Variants in AHNAK2 observed in about 807,000 individuals in gnomAD.
AHNAK2 encodes AHNAK nucleoprotein 2.
Under a neutral mutation model 30.7 loss-of-function variants are expected in AHNAK2, and 18 were observed. The observed-to-expected ratio is 0.59, with a 90% confidence interval of 0.41 to 0.87. AHNAK2 has a LOEUF of 0.87. Ranked by LOEUF, AHNAK2 falls within the 40% of genes least tolerant of loss-of-function variation. The pLI, the probability that AHNAK2 is intolerant of heterozygous loss-of-function variation, is 0.00. For synonymous variants in AHNAK2, 3,590 were observed against 3,073.8 expected, an observed-to-expected ratio of 1.17 and a Z score of -5.56; for missense variants, 8,604 against 7,373.0, an observed-to-expected ratio of 1.17 and a Z score of -6.11.
chr14:104,943,097 G>A lies in AHNAK2; in HGVS notation c.12354C>T (p.Asp4118=), dbSNP rs1566899883. The A allele has an allele frequency of 6.2e-7, 1 of 1,613,000 alleles. No homozygotes were observed. The highest frequency in any genetic ancestry group is 2.2e-5 in the East Asian group (1 of 44,760). Residue 4118 remains aspartate (D), a synonymous_variant, in exon 7 of 7, where the codon GAC becomes GAT. Coordinates refer to ENST00000333244, the MANE Select transcript of AHNAK2 (RefSeq NM_138420.4). Reference sequence around the variant, plus strand: ...TCACATCCTTGTCGGCCAGGGACAGGTCCCCCTCCAGCTGCACACCATCCA... The same window carrying A: ...TCACATCCTTGTCGGCCAGGGACAGATCCCCCTCCAGCTGCACACCATCCA... The part of the protein sequence containing the change: ...AKLDGVQLEG[D]LSLADKDVTA...
chr14:104,944,458 C>T lies in AHNAK2; in HGVS notation c.10993G>A (p.Ala3665Thr), dbSNP rs1195144133. Reference protein sequence around the residue: ...KSMEASVDVSAPKVEADVSLP... With the variant: ...KSMEASVDVSTPKVEADVSLP... ...CTCACATCGGCTTCCACCTTGGGTG[C>T]AGACACATCCACCGAGGCCTCCATG... The change falls in exon 7 of 7, where the codon GCA (alanine) becomes ACA (threonine). Residue 3665 changes from alanine (A) to threonine (T), a missense_variant. Transcript: ENST00000333244. 1.9e-6 allele frequency: 3 copies of T among 1,613,044 alleles called. No individual in the cohort carries two copies. The highest frequency in any genetic ancestry group is 1.3e-5 in the African/African-American group (1 of 74,708).
At position 104,953,673 on chromosome 14, in the gene AHNAK2, G is replaced by T; in HGVS notation, c.1778C>A (p.Ser593Ter). ...PKFKIPSLGWSPSKHTKTGRE... is the reference protein window; with the variant it reads ...PKFKIPSLGW ...GCCTGTCTTTGTGTGCTTGCTTGGC[G>T]ACCATCCTAAGGAGGGTATCTTGAA... The change falls in exon 7 of 7, where the codon TCG becomes TAG. Residue 593 changes from serine (S) to a stop codon, truncating the protein, a stop_gained. Coordinates refer to ENST00000333244, the MANE Select transcript of AHNAK2 (RefSeq NM_138420.4). LOFTEE classifies it low-confidence loss of function (END_TRUNC). The T allele has an allele frequency of 6.2e-7, 1 of 1,613,712 alleles. No individual in the cohort carries two copies.
Position 104,941,579 on chromosome 14 carries a change from T to C in AHNAK2, c.13872A>G (p.Lys4624=). 6.2e-7 allele frequency: 1 copy of C among 1,613,248 alleles called. No homozygotes were observed. The highest frequency in any genetic ancestry group is 8.5e-7 in the Non-Finnish European group (1 of 1,179,874). Residue 4624 remains lysine, a synonymous_variant, in exon 7 of 7, where the codon AAA becomes AAG. Coordinates refer to ENST00000333244, the MANE Select transcript of AHNAK2 (RefSeq NM_138420.4). ...LSLAHEDVAG[K]DSKFQGPKLS... Reference sequence around the variant, plus strand: ...GTTTTGGTCCTTGAAACTTACTGTCTTTCCCAGCTACATCCTCGTGGGCCA... The same window carrying C: ...GTTTTGGTCCTTGAAACTTACTGTCCTTCCCAGCTACATCCTCGTGGGCCA...
rs1330734380 is a variant in AHNAK2, at chr14:104,955,592, C to G, written c.357G>C (p.Val119=). The part of the protein sequence containing the change: ...EATEVTLKTE[V]EAGASGYSVT... ...CACTGTAGCCACTGGCTCCTGCCTC[C>G]ACCTCTGTCTTCAGCGTCACCTCTG... Residue 119 remains valine, a synonymous_variant, in exon 5 of 7, where the codon GTG becomes GTC. Transcript: ENST00000333244. The G allele has an allele frequency of 1.9e-6, 3 of 1,613,572 alleles. No individual in the cohort carries two copies. Among genetic ancestry groups the G allele is most frequent in the Non-Finnish European group, 1.7e-6 (2 of 1,179,820 alleles).
rs763234780 is a variant in AHNAK2 at position 104,945,694 on chromosome 14, G to A, written c.9757C>T (p.Leu3253=). 4 of 1,600,844 alleles carry A rather than the reference G, an allele frequency of 2.5e-6. No individual in the cohort carries two copies. The highest frequency in any genetic ancestry group is 2.7e-5 in the African/African-American group (2 of 73,650). Residue 3253 remains leucine, a synonymous_variant, in exon 7 of 7, where the codon CTG becomes TTG. Coordinates refer to ENST00000333244, the MANE Select transcript of AHNAK2 (RefSeq NM_138420.4). ...GPQIDIKGPK[L]DLKGPKMDVT... is the part of the protein sequence containing the mutation. ...TCCATCTTCGGGCCTTTCAGGTCCA[G>A]CTTGGGGCCCTTGATGTCTATCTGG...
Position 104,947,961 on chromosome 14 carries a change from G to A in AHNAK2, c.7490C>T (p.Ala2497Val). Residue 2497 changes from alanine to valine, a missense_variant, in exon 7 of 7, where the codon GCC (alanine) becomes GTC (valine). Coordinates refer to ENST00000333244, the MANE Select transcript of AHNAK2 (RefSeq NM_138420.4). Reference sequence around the variant, plus strand: ...CGAGGCCTCGATGGACTTGCCTGGGGCAGACACCCCGAATGACGGCATCTT... The same window carrying A: ...CGAGGCCTCGATGGACTTGCCTGGGACAGACACCCCGAATGACGGCATCTT... ...KFKMPSFGVS[A>V]PGKSIEASVD... 6.2e-7 allele frequency: 1 copy of A among 1,612,898 alleles called. No individual in the cohort carries two copies. Among genetic ancestry groups the A allele is most frequent in the Non-Finnish European group, 8.5e-7 (1 of 1,179,654 alleles).
At position 104,952,862 on chromosome 14, in the gene AHNAK2, C is replaced by T. The variant is rs1457817296; in HGVS notation, c.2589G>A (p.Val863=). The change falls in exon 7 of 7, where the codon GTG becomes GTA. Residue 863 remains valine, a synonymous_variant. Transcript: ENST00000333244. ...TGGAGGAGAGGCTCACGTCGGCCTC[C>T]ACCTTCGGCGCAGACACATCCACCG... ...EDSVDVSAPK[V]EADVSLSSMQ... 3.7e-6 allele frequency: 6 copies of T among 1,612,740 alleles called. No individual in the cohort carries two copies. Among genetic ancestry groups the T allele is most frequent in the Non-Finnish European group, 5.1e-6 (6 of 1,179,610 alleles).
Position 104,941,238 on chromosome 14 carries a change from G to C in AHNAK2, c.14213C>G (p.Ser4738Cys). ...SIGLSTIPLSSSECSSFELQQ... is the reference protein window; with the variant it reads ...SIGLSTIPLSCSECSSFELQQ... ...TAATTCAAAACTTGAGCATTCTGAA[G>C]ATGATAAAGGAATCGTGGAAAGACC... The change falls in exon 7 of 7, where the codon TCT (serine) becomes TGT (cysteine). Residue 4738 changes from serine to cysteine, a missense_variant. Physicochemically the swap from Ser to Cys is moderately radical, Grantham distance 112. Coordinates refer to ENST00000333244, the MANE Select transcript of AHNAK2 (RefSeq NM_138420.4). 1 of 1,613,650 alleles carries C rather than the reference G, an allele frequency of 6.2e-7. No homozygotes were observed. Among genetic ancestry groups the C allele is most frequent in the Non-Finnish European group, 8.5e-7 (1 of 1,179,902 alleles).
chr14:104,961,322 G>C lies in AHNAK2; in HGVS notation c.56-3650C>G, dbSNP rs976395481. On this transcript the variant is annotated intron_variant, in intron 1 of 6. Coordinates refer to ENST00000333244, the MANE Select transcript of AHNAK2 (RefSeq NM_138420.4). The stretch of plus-strand genomic sequence containing the variant: ...GAGGTCAGGAGATCAAAACCATCCT[G>C]GCTAACACAGTGAAACCCCGTCTCT... Among the ~76,000 whole-genome samples, 13 of 151,830 alleles carry C rather than the reference G, an allele frequency of 8.6e-5. No individual in the cohort carries two copies. The East Asian group carries it at 1.4e-3, about 16-fold the overall frequency.
rs543059078 is a variant in AHNAK2, at chr14:104,940,210, C to G, written c.15241G>C (p.Gly5081Arg). The G allele has an allele frequency of 1.2e-6, 2 of 1,613,606 alleles. No individual in the cohort carries two copies. The highest frequency in any genetic ancestry group is 1.1e-5 in the South Asian group (1 of 91,078). Reference sequence around the variant, plus strand: ...CGGTGGAGGTTCACACCCTCACTTCCTGTGGCACTTGCTGTTGCACCAAGT... The same window carrying G: ...CGGTGGAGGTTCACACCCTCACTTCGTGTGGCACTTGCTGTTGCACCAAGT... ...GGLGATASAT[G>R]SEGVNLHRPQ... The change falls in exon 7 of 7, where the codon GGA (glycine) becomes CGA (arginine). Residue 5081 changes from glycine (G) to arginine (R), a missense_variant. Transcript: ENST00000333244. The surrounding 1 kb of genome is among the most constrained non-coding windows in gnomAD (Gnocchi z 4.4).
Position 104,943,869 on chromosome 14 carries a change from G to C in AHNAK2, c.11582C>G (p.Thr3861Arg), listed in dbSNP as rs199891797. The C allele has an allele frequency of 5.6e-5, 90 of 1,608,264 alleles. No homozygotes were observed. Among genetic ancestry groups the C allele is most frequent in the East Asian group, 4.0e-4 (18 of 44,548 alleles). Residue 3861 changes from threonine to arginine, a missense_variant, in exon 7 of 7, where the codon ACG (threonine) becomes AGG (arginine). By Grantham distance (71) the Thr-to-Arg change is moderately conservative (BLOSUM62 -1). Coordinates refer to ENST00000333244, the MANE Select transcript of AHNAK2 (RefSeq NM_138420.4). ...LSIQPHSADL[T>R]VQARQVDMKL... ...CATGTCCACCTGGCGAGCTTGGACCGTCAGGTCGGCAGAATGGGGCTGAAT... is the reference window on the plus strand; with the variant it reads ...CATGTCCACCTGGCGAGCTTGGACCCTCAGGTCGGCAGAATGGGGCTGAAT...
At chr14:104,970,101 C>A (rs985306157) in intron 1 of AHNAK2, among the ~76,000 whole-genome samples, 1 of 152,124 alleles carries the variant, frequency 6.6e-6, no homozygotes, top group East Asian at 1.9e-4. Context: ...GCATTCACCT[C>A]CCCCCACACC....
At chr14:104,977,659 G>A in intron 1 of AHNAK2, among the ~76,000 whole-genome samples, 1 of 152,156 alleles carries the variant, frequency 6.6e-6, no homozygotes, top group Non-Finnish European at 1.5e-5. Context: ...AAAGTGGAGA[G>A]CCCAGACTCC....
At chr14:104,973,455 G>A (rs1899526047) in intron 1 of AHNAK2, among the ~76,000 whole-genome samples, 1 of 152,206 alleles carries the variant, frequency 6.6e-6, no homozygotes, top group African/African-American at 2.4e-5. Context: ...GCAGGGCGAG[G>A]ACCGAAGGCT....
rs1166554183 is a variant in AHNAK2 at position 104,937,588 on chromosome 14, TG to T, written c.*474del. 5 of 155,080 alleles carry T rather than the reference TG, an allele frequency of 3.2e-5. No homozygotes were observed. Among genetic ancestry groups the T allele is most frequent in the African/African-American group, 1.2e-4 (5 of 41,674 alleles). 9.6% of individuals were successfully genotyped at this position (155,080 alleles called of 1,614,324 possible). ...TAAGTGAGTAGGAAACAGTGTTTCCTGGAATATACCGCACTCTGCCTGAAAT... is the reference window on the plus strand; with the variant it reads ...TAAGTGAGTAGGAAACAGTGTTTCCTGAATATACCGCACTCTGCCTGAAAT... On this transcript the variant is annotated 3_prime_UTR_variant, in exon 7 of 7. Coordinates refer to ENST00000333244, the MANE Select transcript of AHNAK2 (RefSeq NM_138420.4).
Position 104,943,140 on chromosome 14 carries a change from T to C in AHNAK2, c.12311A>G (p.Gln4104Arg), listed in dbSNP as rs202082318. The C allele has an allele frequency of 1.9e-4, 299 of 1,613,282 alleles. No homozygotes were observed. The highest frequency in any genetic ancestry group is 1.3e-4 in the Non-Finnish European group (158 of 1,179,648). Residue 4104 changes from glutamine to arginine, a missense_variant, in exon 7 of 7, where the codon CAG (glutamine) becomes CGG (arginine). Gln to Arg is a conservative substitution (Grantham distance 43, BLOSUM62 1). Coordinates refer to ENST00000333244, the MANE Select transcript of AHNAK2 (RefSeq NM_138420.4). Reference sequence around the variant, plus strand: ...ACCATCCAGCTTTGCTCTCGGGGCCTGGACGTCCACCTCCATGCTGGACAG... The same window carrying C: ...ACCATCCAGCTTTGCTCTCGGGGCCCGGACGTCCACCTCCATGCTGGACAG... ...MSLSSMEVDVQAPRAKLDGVQ... is the reference protein window; with the variant it reads ...MSLSSMEVDVRAPRAKLDGVQ...
In AHNAK2 at chr14:104,941,883, T is replaced by A; in HGVS notation, c.13568A>T (p.Gln4523Leu). The change falls in exon 7 of 7, where the codon CAG becomes CTG. Residue 4523 changes from glutamine (Q) to leucine (L), a missense_variant. Transcript: ENST00000333244. ...AAGTTTCAAGTCCACCTGGCCAGCCTGGACCTCCAGGTCGGCGGAAGGGGC... is the reference window on the plus strand; with the variant it reads ...AAGTTTCAAGTCCACCTGGCCAGCCAGGACCTCCAGGTCGGCGGAAGGGGC... ...IQAPSADLEV[Q>L]AGQVDLKLPE... 6.2e-7 allele frequency: 1 copy of A among 1,613,620 alleles called. No homozygotes were observed. The highest frequency in any genetic ancestry group is 8.5e-7 in the Non-Finnish European group (1 of 1,179,700).
Position 104,945,533 on chromosome 14 carries a change from G to T in AHNAK2, c.9918C>A (p.Ser3306Arg), listed in dbSNP as rs768001615. ...LADKDVTAKD[S>R]KFKMPKFKMP... ...TCTTGAATTTGGGCATTTTGAACTT[G>T]CTGTCTTTGGCAGTCACATCCTTGT... is the stretch of plus-strand genomic sequence containing the variant. Residue 3306 changes from serine (S) to arginine (R), a missense_variant, in exon 7 of 7, where the codon AGC becomes AGA. Coordinates refer to ENST00000333244, the MANE Select transcript of AHNAK2 (RefSeq NM_138420.4). 1 of 1,612,482 alleles carries T rather than the reference G, an allele frequency of 6.2e-7. No homozygotes were observed. Among genetic ancestry groups the T allele is most frequent in the Middle Eastern group, 1.7e-4 (1 of 6,052 alleles).
rs370195137 is a variant in AHNAK2, at chr14:104,944,176, C to A, written c.11275G>T (p.Ala3759Ser). Residue 3759 changes from alanine to serine, a missense_variant, in exon 7 of 7, where the codon GCC becomes TCC. Physicochemically the swap from Ala to Ser is moderately conservative, Grantham distance 99. Transcript: ENST00000333244. ...DLKVSKAEVT[A>S]PDVEVSLPSV... is the part of the protein sequence containing the mutation. Reference sequence around the variant, plus strand: ...GGCAGAGACACCTCCACATCAGGGGCTGTGACTTCCGCCTTGGAGACTTTT... The same window carrying A: ...GGCAGAGACACCTCCACATCAGGGGATGTGACTTCCGCCTTGGAGACTTTT... 8 of 1,612,852 alleles carry A rather than the reference C, an allele frequency of 5.0e-6. 1 individual carries two copies. The Admixed American group carries it at 1.3e-4, about 27-fold the overall frequency.
Sources: allele counts gnomAD v4.1 joint callset (sites outside exome capture counted in the v4.1 genomes callset), GRCh38; gene constraint gnomAD v4.1.1; non-coding constraint Gnocchi (gnomAD v3.1); transcripts MANE v1.5; gene names NCBI Gene and HGNC (gene_info 2026-07-23, HGNC 2026-07-21).